The following NFATC2 variants were observed in gnomAD, a reference collection of about 807,000 sequenced individuals.
The protein encoded by NFATC2 is nuclear factor of activated T cells 2.
A neutral mutation model predicts 87.3 loss-of-function variants in NFATC2; 22 were observed. The observed-to-expected ratio is 0.25, with a 90% CI of 0.18 to 0.36. The LOEUF (loss-of-function observed/expected upper bound fraction) is 0.36. Among genes scored for constraint, NFATC2 ranks in the 10% least tolerant of loss-of-function variants. NFATC2 has a pLI of 1.00. For synonymous variants in NFATC2, 565 were observed against 542.2 expected (o/e 1.04, Z -0.58); for missense variants, 1,149 against 1,259.1 (o/e 0.91, Z 1.32).
At chr20:51,413,428 T>C (rs918905007) in intron 9 of NFATC2, among the ~76,000 whole-genome samples, 7 of 152,150 alleles carry the variant, frequency 4.6e-5, no homozygotes, top group East Asian at 1.9e-4. Flanking sequence ...TTTGCACTCC[T>C]GAACTCCCAA....
intron 3 of NFATC2, among the ~76,000 whole-genome samples, chr20:51,513,049 C>T (rs574402430): frequency 1.3e-5 from 2 of 152,212 alleles, no homozygotes; most frequent in East Asian, 3.9e-4. Flanking sequence ...ACTTCCCATG[C>T]TAAAAATCAG....
chr20:51,436,325 G>T lies in NFATC2; in HGVS notation c.1850-564C>A, dbSNP rs546455685. On this transcript the variant is annotated intron_variant, in intron 6 of 10. Coordinates refer to ENST00000371564, the MANE Select transcript of NFATC2 (RefSeq NM_012340.5). ...AAAACAGGGCAACAACAGAAAATAA[G>T]AAAAAAAATAGAAACTGTCCAGAAT... Among the ~76,000 whole-genome samples the T allele has an allele frequency of 3.2e-4, 48 of 147,882 alleles. 1 individual carries two copies. The East Asian group carries it at 9.0e-3, about 28-fold the overall frequency.
upstream of NFATC2, among the ~76,000 whole-genome samples, chr20:51,547,670 G>A (rs183661708): frequency 8.5e-5 from 13 of 152,218 alleles, no homozygotes; most frequent in Non-Finnish European, 1.5e-4. Flanking sequence ...CAAACCCTAC[G>A]TCTCCAGCTG....
intron 3 of NFATC2, among the ~76,000 whole-genome samples, chr20:51,493,058 C>T (rs1326535881): frequency 1.3e-5 from 2 of 152,174 alleles, no homozygotes; most frequent in African/African-American, 4.8e-5. Flanking sequence ...CATCTGGGTC[C>T]CAGTTTTGCC....
In NFATC2 at chr20:51,432,995, T is replaced by G. The variant is rs1029921101; in HGVS notation, c.2033-239A>C. On this transcript the variant is annotated intron_variant, in intron 8 of 10. Coordinates refer to ENST00000371564, the MANE Select transcript of NFATC2 (RefSeq NM_012340.5). The surrounding 1 kb of genome is among the most constrained non-coding windows in gnomAD (Gnocchi z 4.6). ...ATAGATTTTTCCAATATTGGAAAGG[T>G]GGCTGGTAGGTCTGACTCAGCCCTG... Among the ~76,000 whole-genome samples, 1 of 152,116 alleles carries G rather than the reference T, an allele frequency of 6.6e-6. No individual in the cohort carries two copies. Among genetic ancestry groups the G allele is most frequent in the Non-Finnish European group, 1.5e-5 (1 of 68,020 alleles).
intron 1 of NFATC2, among the ~76,000 whole-genome samples, chr20:51,541,754 G>C (rs2076820624): frequency 6.6e-6 from 1 of 152,146 alleles, no homozygotes; most frequent in Admixed American, 6.5e-5. Flanking sequence ...AAATGGGCCG[G>C]CCTTATAATA....
At chr20:51,554,193 A>G (rs2076958471) in intron 1 of NFATC2, among the ~76,000 whole-genome samples, 2 of 152,178 alleles carry the variant, frequency 1.3e-5, no homozygotes, top group African/African-American at 4.8e-5. Flanking sequence ...TTGCTTCTCC[A>G]TCAACACAAT....
At chr20:51,403,723 ACTGT>A (rs567348669) in intron 9 of NFATC2, among the ~76,000 whole-genome samples, 227 of 152,288 alleles carry the variant, frequency 1.5e-3, no homozygotes, top group African/African-American at 4.1e-3. Flanking sequence ...AGAAAAGGTG[ACTGT>A]CTGCAAGCCA....
intron 9 of NFATC2, among the ~76,000 whole-genome samples, chr20:51,408,507 C>CTT (rs760936981): frequency 6.8e-4 from 30 of 44,380 alleles, no homozygotes; most frequent in African/African-American, 2.2e-3. Flanking sequence ...GAGCAAGACT[C>CTT]TTTTTAAAAA....
chr20:51,562,323 A>G lies in NFATC2; in HGVS notation c.70+237T>C, dbSNP rs149627120. ...GGCCTAGGGAATCCCGGCCTGGGACACTTCCCTGCCCCCGCGTAAAGTTGT... is the reference window on the plus strand; with the variant it reads ...GGCCTAGGGAATCCCGGCCTGGGACGCTTCCCTGCCCCCGCGTAAAGTTGT... On this transcript the variant is annotated intron_variant, in intron 1 of 10. Coordinates refer to the NFATC2 transcript ENST00000414705. The surrounding 1 kb of genome is among the most constrained non-coding windows in gnomAD (Gnocchi z 5.8). Among the ~76,000 whole-genome samples the G allele has an allele frequency of 2.0e-3, 301 of 152,302 alleles. 2 individuals are homozygous for G. The highest frequency in any genetic ancestry group is 6.9e-3 in the African/African-American group (287 of 41,586).
chr20:51,550,218 C>A (rs1164659292), intron 1 of NFATC2, among the ~76,000 whole-genome samples: 2 of 152,072 alleles, frequency 1.3e-5, no homozygotes, highest in Non-Finnish European at 2.9e-5. Flanking sequence ...CCCATTTGAG[C>A]CCAGGAGCTT....
upstream of NFATC2, chr20:51,542,760 G>GGT (rs1555819163): frequency 4.9e-6 from 1 of 202,122 alleles, no homozygotes; most frequent in Admixed American, 7.5e-5. Flanking sequence ...GGGGGGGGGG[G>GGT]GGGCGTGGAG....
chr20:51,437,658 A>G (rs1195442579), intron 6 of NFATC2, among the ~76,000 whole-genome samples: 2 of 152,212 alleles, frequency 1.3e-5, no homozygotes, highest in Non-Finnish European at 2.9e-5. Flanking sequence ...AACACGCTAG[A>G]GCCCTTTGTA....
intron 9 of NFATC2, among the ~76,000 whole-genome samples, chr20:51,423,560 C>T (rs973735767): frequency 6.6e-6 from 1 of 152,160 alleles, no homozygotes; most frequent in Non-Finnish European, 1.5e-5. Flanking sequence ...TGATGCTGAC[C>T]TACCCATAAA....
rs1568662429 is a variant in NFATC2, at chr20:51,473,961, G to A, written c.1708+19C>T. On this transcript the variant is annotated intron_variant, in intron 5 of 10. Transcript: ENST00000371564. ...CCTACGCTTTCTGAAGAAAGACCGG[G>A]CCCCAGGGCCCAACTTACAGCACTC... 5 of 1,607,488 alleles carry A rather than the reference G, an allele frequency of 3.1e-6. No homozygotes were observed. The highest frequency in any genetic ancestry group is 2.6e-6 in the Non-Finnish European group (3 of 1,175,096).
intron 10 of NFATC2, among the ~76,000 whole-genome samples, chr20:51,396,038 G>GTATATATATATATA (rs1161908517): frequency 1.4e-4 from 3 of 21,296 alleles, no homozygotes; most frequent in Non-Finnish European, 2.6e-4. Flanking sequence ...CTCCTAGTAT[G>GTATATATATATATA]TATATATATA....
At chr20:51,414,851 C>T (rs1296350474) in intron 9 of NFATC2, among the ~76,000 whole-genome samples, 1 of 152,182 alleles carries the variant, frequency 6.6e-6, no homozygotes. Context: ...GCCGGAAACA[C>T]AGCCCCAACC....
intron 1 of NFATC2, among the ~76,000 whole-genome samples, chr20:51,559,770 T>A (rs893774018): frequency 6.6e-6 from 1 of 152,242 alleles, no homozygotes; most frequent in African/African-American, 2.4e-5. Flanking sequence ...ATCTGCTATG[T>A]GACCTTGGGC....
At chr20:51,555,652 C>T (rs1424957060) in intron 1 of NFATC2, among the ~76,000 whole-genome samples, 1 of 152,114 alleles carries the variant, frequency 6.6e-6, no homozygotes, top group African/African-American at 2.4e-5. Context: ...ATCATGCTCC[C>T]CCTGCCCCTT....
Sources: allele counts gnomAD v4.1 joint callset (sites outside exome capture counted in the v4.1 genomes callset), GRCh38; gene constraint gnomAD v4.1.1; non-coding constraint Gnocchi (gnomAD v3.1); transcripts MANE v1.5; gene names NCBI Gene and HGNC (gene_info 2026-07-23, HGNC 2026-07-21).